The following PPEF2 variants were observed in gnomAD, a reference collection of about 807,000 sequenced individuals.
PPEF2 encodes the protein serine/threonine-protein phosphatase with EF-hands 2.
Under a neutral mutation model 84.7 loss-of-function variants are expected in PPEF2, and 84 were observed. That is an observed-to-expected ratio of 0.99 (90% confidence interval 0.83 to 1.19). The LOEUF (loss-of-function observed/expected upper bound fraction) is 1.19. Among genes scored for constraint, PPEF2 ranks in the 50% most tolerant of loss-of-function variants. The pLI, the probability that PPEF2 is intolerant of heterozygous loss-of-function variation, is 0.00. For missense variants in PPEF2, 924 were observed against 937.5 expected, an observed-to-expected ratio of 0.99 and a Z score of 0.19; for synonymous variants, 346 against 345.2, an observed-to-expected ratio of 1.00 and a Z score of -0.03.
At chr4:75,890,801 C>G (rs1724859180) in intron 4 of PPEF2, among the ~76,000 whole-genome samples, 2 of 152,320 alleles carry the variant, frequency 1.3e-5, no homozygotes, top group Middle Eastern at 3.4e-3. Context: ...GCAGTGCCTT[C>G]CAGCAGCTTC....
At chr4:75,883,127 C>T (rs1455724320) in intron 9 of PPEF2, 39 bp downstream of exon 9, 1 of 1,613,600 alleles carries the variant, frequency 6.2e-7, no homozygotes, top group East Asian at 2.2e-5. Context: ...CTCAACTTAT[C>T]TGAACTGAGA....
intron 2 of PPEF2, among the ~76,000 whole-genome samples, chr4:75,895,779 G>T (rs184799529): frequency 8.6e-5 from 13 of 151,440 alleles, no homozygotes; most frequent in Non-Finnish European, 1.9e-4. Context: ...TTGATCTGTC[G>T]TCCAGGCTGG....
intron 1 of PPEF2, among the ~76,000 whole-genome samples, chr4:75,897,097 C>A (rs924911907): frequency 6.6e-6 from 1 of 152,112 alleles, no homozygotes; most frequent in African/African-American, 2.4e-5. Context: ...TTGTGATCCG[C>A]TTGCCTCGGC....
In PPEF2 at chr4:75,876,268, A is replaced by G. The variant is rs1724404077; in HGVS notation, c.1320+19T>C. ...TGTTGGCAGCCACATGCTAGGAAGC[A>G]GCGCCTGGCCACGCTCACCTGCCTC... On this transcript the variant is annotated intron_variant, in intron 11 of 16. Coordinates refer to ENST00000286719, the MANE Select transcript of PPEF2 (RefSeq NM_006239.3). 6.4e-7 allele frequency: 1 copy of G among 1,567,570 alleles called. No individual in the cohort carries two copies. Among genetic ancestry groups the G allele is most frequent in the African/African-American group, 1.4e-5 (1 of 73,806 alleles).
intron 10 of PPEF2, 125 bp from the exon 11 acceptor site, chr4:75,876,798 G>A: frequency 1.1e-5 from 11 of 1,015,794 alleles, no homozygotes; most frequent in Non-Finnish European, 1.5e-5. Context: ...TCAAGCCCGG[G>A]AGTTCAAGAC....
chr4:75,884,632 A>C lies in PPEF2; in HGVS notation c.708T>G (p.Leu236=). ...TATGGTCCTCATGGTTTCCTCTGTT[A>C]AGATGGAACTCTTTGGGGTAAACCA... is the stretch of plus-strand genomic sequence containing the variant. ...FMLVYPKEFH[L]NRGNHEDHMV... Residue 236 remains leucine (L), a synonymous_variant, in exon 8 of 17, where the codon CTT becomes CTG. Coordinates refer to ENST00000286719, the MANE Select transcript of PPEF2 (RefSeq NM_006239.3). The C allele has an allele frequency of 6.2e-7, 1 of 1,612,956 alleles. No individual in the cohort carries two copies. The highest frequency in any genetic ancestry group is 8.5e-7 in the Non-Finnish European group (1 of 1,179,672).
Position 75,873,689 on chromosome 4 carries a change from C to T in PPEF2, c.1321-377G>A, listed in dbSNP as rs547574408. On this transcript the variant is annotated intron_variant, in intron 11 of 16. Coordinates refer to ENST00000286719, the MANE Select transcript of PPEF2 (RefSeq NM_006239.3). Reference sequence around the variant, plus strand: ...CTGGACATTTGCCCTAAAGAGAAGGCGCAAGTCCTGGGACTGGCAAGAGAG... The same window carrying T: ...CTGGACATTTGCCCTAAAGAGAAGGTGCAAGTCCTGGGACTGGCAAGAGAG... Among the ~76,000 whole-genome samples, 129 of 152,242 alleles carry T rather than the reference C, an allele frequency of 8.5e-4. 1 individual carries two copies. The highest frequency in any genetic ancestry group is 2.8e-3 in the African/African-American group (116 of 41,538).
intron 1 of PPEF2, among the ~76,000 whole-genome samples, chr4:75,896,986 G>A (rs976143505): frequency 1.4e-4 from 21 of 152,102 alleles, no homozygotes; most frequent in Admixed American, 3.9e-4. Context: ...CTGGGTTCAC[G>A]CCATTCTCAC....
chr4:75,883,265 A>T, intron 8 of PPEF2, 63 bp from the exon 9 acceptor site: 1 of 1,465,556 alleles, frequency 6.8e-7, no homozygotes, highest in East Asian at 2.3e-5. Flanking sequence ...GGGCATAATC[A>T]CATTTTTAGA....
chr4:75,891,188 A>G (rs1274150227), intron 4 of PPEF2, among the ~76,000 whole-genome samples: 2 of 151,380 alleles, frequency 1.3e-5, no homozygotes, highest in Non-Finnish European at 2.9e-5. Flanking sequence ...CTCAAAAAAA[A>G]AAAAGAAAAG....
intron 10 of PPEF2, 109 bp from the exon 11 acceptor site, chr4:75,876,782 G>A: frequency 2.5e-6 from 3 of 1,221,644 alleles, no homozygotes; most frequent in Non-Finnish European, 3.3e-6. Flanking sequence ...GAGCCCAGCA[G>A]AACACTCAAG....
intron 16 of PPEF2, among the ~76,000 whole-genome samples, chr4:75,863,858 A>ATCTT (rs956597556): frequency 1.3e-5 from 2 of 150,318 alleles, no homozygotes; most frequent in Non-Finnish European, 3.0e-5. Flanking sequence ...AGGATATCAC[A>ATCTT]TCTTTCTTTC....
chr4:75,891,188 A>AAAAAAG (rs575186148), intron 4 of PPEF2, among the ~76,000 whole-genome samples: 33 of 151,380 alleles, frequency 2.2e-4, no homozygotes, highest in African/African-American at 5.9e-4. Flanking sequence ...CTCAAAAAAA[A>AAAAAAG]AAAAGAAAAG....
chr4:75,887,428 C>T (rs1392195833), intron 6 of PPEF2, among the ~76,000 whole-genome samples: 6 of 151,950 alleles, frequency 3.9e-5, no homozygotes, highest in African/African-American at 1.5e-4. Context: ...AAGACCATCC[C>T]GCCTAACACG....
intron 4 of PPEF2, 109 bp downstream of exon 4, chr4:75,891,539 C>A (rs1001686656): frequency 3.1e-6 from 4 of 1,275,820 alleles, no homozygotes; most frequent in African/African-American, 3.0e-5. Flanking sequence ...CTTGCTTATT[C>A]CCTGGCTGTC....
intron 16 of PPEF2, among the ~76,000 whole-genome samples, chr4:75,861,337 GGC>G (rs1224952006): frequency 6.6e-6 from 1 of 151,730 alleles, no homozygotes. Flanking sequence ...AATTTATTCT[GGC>G]CATTAAAATC....
chr4:75,868,919 G>C lies in PPEF2; in HGVS notation c.1650-1500C>G, dbSNP rs528195383. On this transcript the variant is annotated intron_variant, in intron 13 of 16. Transcript: ENST00000286719. ...AGTTACTTGGGAGACTATGGCAGGA[G>C]GATTGCTTGAGCCCAGGAGTTCGAG... Among the ~76,000 whole-genome samples, 52 of 152,216 alleles carry C rather than the reference G, an allele frequency of 3.4e-4. 1 individual carries two copies. Among genetic ancestry groups the C allele is most frequent in the African/African-American group, 1.3e-3 (52 of 41,526 alleles).
At position 75,884,577 on chromosome 4, in the gene PPEF2, C is replaced by T; in HGVS notation, c.746+17G>A. On this transcript the variant is annotated intron_variant, in intron 8 of 16. Coordinates refer to ENST00000286719, the MANE Select transcript of PPEF2 (RefSeq NM_006239.3). ...AACAAACAAACATCAAATACTCAAG[C>T]ATGTTTTGACTTGTACCGTAAGTTC... is the stretch of plus-strand genomic sequence containing the variant. The T allele has an allele frequency of 6.4e-7, 1 of 1,557,316 alleles. No individual in the cohort carries two copies. The highest frequency in any genetic ancestry group is 2.3e-5 in the East Asian group (1 of 44,282).
At chr4:75,876,163 C>T (rs1204486316) in intron 11 of PPEF2, 124 bp downstream of exon 11, 1 of 1,162,444 alleles carries the variant, frequency 8.6e-7, no homozygotes, top group Admixed American at 2.6e-5. Context: ...TAGTGTCCTT[C>T]TGGGGTGTTG....
Sources: gnomAD v4.1 joint callset for allele counts (sites outside exome capture counted in the v4.1 genomes callset) on GRCh38, gnomAD v4.1.1 for gene constraint, MANE v1.5 for transcripts, NCBI Gene and HGNC (gene_info 2026-07-23, HGNC 2026-07-21) for gene names.